VPS33A: variants seen among roughly 807,000 people sequenced by gnomAD.
The protein encoded by VPS33A is vacuolar protein sorting-associated protein 33A.
A neutral mutation model predicts 71.8 loss-of-function variants in VPS33A; 32 were observed. The ratio of observed to expected loss-of-function variants is 0.45; its 90% confidence interval spans 0.34 to 0.60. The LOEUF is 0.60. Ranked by LOEUF, VPS33A falls within the 20% of genes least tolerant of loss-of-function variation. The pLI is 0.02. For missense variants in VPS33A, 625 were observed against 748.5 expected, an observed-to-expected ratio of 0.84 and a Z score of 1.92; for synonymous variants, 311 against 292.7, an observed-to-expected ratio of 1.06 and a Z score of -0.64.
chr12:122,235,680 T>C, intron 11 of VPS33A, 106 bp downstream of exon 11: 3 of 1,405,074 alleles, frequency 2.1e-6, no homozygotes, highest in Non-Finnish European at 2.9e-6. Flanking sequence ...CATTAGAAAA[T>C]TGTTTTCAGA....
At chr12:122,238,762 CAT>C (rs1337694215) in intron 9 of VPS33A, 38 bp from the exon 10 acceptor site, 1 of 1,362,262 alleles carries the variant, frequency 7.3e-7, no homozygotes, top group East Asian at 2.4e-5. Context: ...TATACATTTA[CAT>C]ATACATACAC....
intron 10 of VPS33A, 115 bp downstream of exon 10, chr12:122,238,472 T>C: frequency 1.5e-6 from 2 of 1,291,056 alleles, no homozygotes; most frequent in East Asian, 5.2e-5. Context: ...TCCACCTGCT[T>C]TGGCCTCCCA....
intron 4 of VPS33A, among the ~76,000 whole-genome samples, chr12:122,259,159 C>A (rs1480290275): frequency 6.7e-6 from 1 of 149,304 alleles, no homozygotes; most frequent in Non-Finnish European, 1.5e-5. Flanking sequence ...AATTCTACTC[C>A]TAGGGGTGTG....
At chr12:122,245,484 C>T (rs1228456724) in intron 6 of VPS33A, among the ~76,000 whole-genome samples, 1 of 150,032 alleles carries the variant, frequency 6.7e-6, no homozygotes, top group Non-Finnish European at 1.5e-5. Context: ...ACTCTTGTCA[C>T]CCAGGCTGGA....
chr12:122,244,468 C>A, intron 7 of VPS33A, 101 bp downstream of exon 7: 1 of 1,049,014 alleles, frequency 9.5e-7, no homozygotes, highest in South Asian at 2.2e-5. Context: ...GCATTGAAGC[C>A]TGGTTTAATG....
intron 4 of VPS33A, chr12:122,253,267 A>G (rs1164663964): frequency 1.3e-5 from 2 of 152,196 alleles, no homozygotes; most frequent in African/African-American, 4.8e-5. Flanking sequence ...GGCAAAAGAC[A>G]TTGAGGGCTG....
intron 4 of VPS33A, among the ~76,000 whole-genome samples, chr12:122,259,166 T>G (rs1037868632): frequency 2.6e-4 from 37 of 141,404 alleles, no homozygotes; most frequent in Non-Finnish European, 4.7e-4. Flanking sequence ...CTCCTAGGGG[T>G]GTGTGTGTGT....
rs1954542380 is a variant in VPS33A at position 122,230,243 on chromosome 12, A to G, written c.*2003T>C. 6.6e-6 allele frequency: 1 copy of G among 152,230 alleles called. No individual in the cohort carries two copies. Among genetic ancestry groups the G allele is most frequent in the African/African-American group, 2.4e-5 (1 of 41,472 alleles). The allele number at this position is 152,230 out of a possible 1,614,324, so 9.4% of individuals were successfully genotyped here. A position where few individuals can be genotyped will look rare whatever the true frequency, so the allele number is the denominator to read the frequency against. On this transcript the variant is annotated 3_prime_UTR_variant, in exon 13 of 13. Transcript: ENST00000267199. ...ATTAAAGAGATTTTTAAAAAAGTAT[A>G]CAGAATTTCTCTTTCATTAATAATA...
chr12:122,245,428 CTCTGT>C (rs1954764441), intron 6 of VPS33A, among the ~76,000 whole-genome samples: 1 of 151,380 alleles, frequency 6.6e-6, no homozygotes, highest in South Asian at 2.1e-4. Flanking sequence ...GAGGACCAAA[CTCTGT>C]TCACGTTCTG....
Position 122,249,951 on chromosome 12 carries a change from C to A in VPS33A, c.695G>T (p.Arg232Leu). The part of the protein sequence containing the change: ...PVFDNLLLLD[R>L]NVDLLTPLAT... ...AAGAGGTGTTAATAAATCCACATTC[C>A]GATCAAGCAACAAGAGATTATCAAA... Residue 232 changes from arginine (R) to leucine (L), a missense_variant, in exon 6 of 13, where the codon CGG (arginine) becomes CTG (leucine). Arg to Leu is a moderately radical substitution (Grantham distance 102). Transcript: ENST00000267199. 1.9e-6 allele frequency: 3 copies of A among 1,614,024 alleles called. No individual in the cohort carries two copies. The highest frequency in any genetic ancestry group is 2.2e-5 in the East Asian group (1 of 44,876).
chr12:122,266,329 A>G lies in VPS33A; in HGVS notation c.80T>C (p.Leu27Pro). 1 of 1,613,078 alleles carries G rather than the reference A, an allele frequency of 6.2e-7. No individual in the cohort carries two copies. Residue 27 changes from leucine (L) to proline (P), a missense_variant, in exon 1 of 13, where the codon CTG (leucine) becomes CCG (proline). Coordinates refer to ENST00000267199, the MANE Select transcript of VPS33A (RefSeq NM_022916.6). ...CACCTTGCTTCCTGCGCACTTGTCCAGGAACTCGCGCAGCTCGCGACGCAC... is the reference window on the plus strand; with the variant it reads ...CACCTTGCTTCCTGCGCACTTGTCCGGGAACTCGCGCAGCTCGCGACGCAC... The part of the protein sequence containing the change: ...EAVRRELREF[L>P]DKCAGSKAIV...
chr12:122,266,270 G>T (rs562483012), intron 1 of VPS33A, 37 bp downstream of exon 1: 1 of 1,602,344 alleles, frequency 6.2e-7, no homozygotes, highest in African/African-American at 1.3e-5. Context: ...CCGGACCAGG[G>T]GAGGCGAGGG....
chr12:122,244,547 T>C (rs1292224407), intron 7 of VPS33A, 22 bp downstream of exon 7: 2 of 1,571,140 alleles, frequency 1.3e-6, no homozygotes, highest in South Asian at 2.3e-5. Flanking sequence ...AGTTGCAGAA[T>C]GACACCCAAA....
chr12:122,235,553 C>T (rs528958771), intron 11 of VPS33A, among the ~76,000 whole-genome samples: 14 of 152,224 alleles, frequency 9.2e-5, no homozygotes, highest in African/African-American at 2.9e-4. Flanking sequence ...TGTGAGCCAC[C>T]GCGCCCAGCC....
At chr12:122,264,494 G>C (rs1481497496) in intron 1 of VPS33A, among the ~76,000 whole-genome samples, 3 of 152,102 alleles carry the variant, frequency 2.0e-5, no homozygotes, top group Admixed American at 2.0e-4. Flanking sequence ...GGGTTCAAGT[G>C]ATTCTCCTGC....
chr12:122,239,860 GT>G lies in VPS33A; in HGVS notation c.1164+17del, dbSNP rs769522475. 3.1e-6 allele frequency: 5 copies of G among 1,587,530 alleles called. No homozygotes were observed. Among genetic ancestry groups the G allele is most frequent in the Non-Finnish European group, 4.3e-6 (5 of 1,163,978 alleles). ...AAGCTTTCAATTACTTGTTAAAGAG[GT>G]TTTTTTGTCCACATACCTTATCAGT... On this transcript the variant is annotated intron_variant, in intron 9 of 12. Transcript: ENST00000267199.
chr12:122,247,500 T>C (rs900490231), intron 6 of VPS33A, among the ~76,000 whole-genome samples: 2 of 152,108 alleles, frequency 1.3e-5, no homozygotes, highest in Admixed American at 6.6e-5. Context: ...AAAGGTGCCA[T>C]TTTTTTGACA....
At chr12:122,243,764 C>T (rs1441455087) in intron 7 of VPS33A, among the ~76,000 whole-genome samples, 1 of 151,904 alleles carries the variant, frequency 6.6e-6, no homozygotes, top group East Asian at 1.9e-4. Context: ...AAAAAAACAA[C>T]AAAAAACTCT....
intron 8 of VPS33A, among the ~76,000 whole-genome samples, chr12:122,240,352 G>A (rs115996094): frequency 0.088 from 13,378 of 151,976 alleles, 765 homozygotes; most frequent in African/African-American, 0.16. Context: ...CAGACATCAT[G>A]CAAAAAAGCA....
Sources: gnomAD v4.1 joint callset for allele counts (sites outside exome capture counted in the v4.1 genomes callset) on GRCh38, gnomAD v4.1.1 for gene constraint, MANE v1.5 for transcripts, NCBI Gene and HGNC (gene_info 2026-07-23, HGNC 2026-07-21) for gene names.